Variants in MKLN1 observed in about 807,000 individuals in gnomAD.
The protein encoded by MKLN1 is muskelin 1, also known as muskelin.
Under a neutral mutation model 99.0 loss-of-function variants are expected in MKLN1, and 18 were observed. The ratio of observed to expected loss-of-function variants is 0.18; its 90% CI spans 0.13 to 0.27. MKLN1 has a LOEUF of 0.27. Among genes scored for constraint, MKLN1 ranks in the 10% least tolerant of loss-of-function variants. MKLN1 has a pLI of 1.00. For missense variants in MKLN1, 621 were observed against 875.9 expected (o/e 0.71, Z 3.67); for synonymous variants, 288 against 293.2 (o/e 0.98, Z 0.18).
At chr7:131,294,588 T>G (rs7792647) in intron 3 of MKLN1, among the ~76,000 whole-genome samples, 24,416 of 152,160 alleles carry the variant, frequency 0.16, 2,021 homozygotes, top group East Asian at 0.23. Flanking sequence ...CATTTTGTGT[T>G]GCCTGGGAAA....
chr7:131,283,376 CCTTCCTTCCTTCCTTCCTTCCTTCCTCT>C (rs1462372312), intron 3 of MKLN1, among the ~76,000 whole-genome samples: 5,304 of 119,182 alleles, frequency 0.045, 254 homozygotes, highest in Middle Eastern at 0.16. Context: ...TTCCTTCCTT[CCTTCCTTCCTTCCTTCCTTCCTTCCTCT>C]CTCTCTCTTT....
chr7:131,214,336 T>C (rs887478245), intron 3 of MKLN1, among the ~76,000 whole-genome samples: 12 of 152,172 alleles, frequency 7.9e-5, no homozygotes, highest in African/African-American at 2.9e-4. Context: ...GAGACCTAAG[T>C]GGAATTGTGC....
intron 3 of MKLN1, among the ~76,000 whole-genome samples, chr7:131,246,253 A>C (rs1317034705): frequency 1.3e-5 from 2 of 152,194 alleles, no homozygotes. Flanking sequence ...TCGGCTGCTG[A>C]TGTTTGCTTG....
chr7:131,370,356 G>T (rs1800309147), intron 1 of MKLN1, among the ~76,000 whole-genome samples: 1 of 147,390 alleles, frequency 6.8e-6, no homozygotes, highest in African/African-American at 2.5e-5. Flanking sequence ...TTATAATTAT[G>T]GCGGATTTAA....
chr7:131,416,514 T>C (rs547257707), intron 8 of MKLN1, among the ~76,000 whole-genome samples: 24 of 146,584 alleles, frequency 1.6e-4, no homozygotes, highest in Non-Finnish European at 7.5e-5. Flanking sequence ...AAGGCCTAGG[T>C]ATTTTTCTTT....
At chr7:131,419,181 T>G (rs975384132) in intron 8 of MKLN1, among the ~76,000 whole-genome samples, 14 of 150,142 alleles carry the variant, frequency 9.3e-5, no homozygotes, top group African/African-American at 3.4e-4. Flanking sequence ...TGTGCAAAAT[T>G]TTTGTTTTTG....
intron 2 of MKLN1, among the ~76,000 whole-genome samples, chr7:131,202,579 G>A (rs1307106658): frequency 6.6e-6 from 1 of 152,128 alleles, no homozygotes; most frequent in Non-Finnish European, 1.5e-5. Context: ...TCTTTGTTCT[G>A]GGGGACTGTC....
At chr7:131,332,938 T>C (rs1205244873) in intron 1 of MKLN1, among the ~76,000 whole-genome samples, 1 of 151,896 alleles carries the variant, frequency 6.6e-6, no homozygotes, top group Non-Finnish European at 1.5e-5. Flanking sequence ...TAATTTTTTT[T>C]TTTTAGATGG....
Position 131,301,830 on chromosome 7 carries a change from C to G in MKLN1, c.-178-73594C>G, listed in dbSNP as rs142870941. Among the ~76,000 whole-genome samples the G allele has an allele frequency of 2.1e-3, 321 of 152,266 alleles. 7 individuals are homozygous for G. The highest frequency in any genetic ancestry group is 9.1e-3 in the East Asian group (47 of 5,168). On this transcript the variant is annotated intron_variant, in intron 3 of 7. Transcript: ENST00000416992. ...ACTGAAACTTATTTAACCTGCCCAT[C>G]ACCTGTGCTGATATTTTCAAGGGGA...
intron 1 of MKLN1, among the ~76,000 whole-genome samples, chr7:131,331,014 T>C (rs1799058002): frequency 6.6e-6 from 1 of 152,174 alleles, no homozygotes; most frequent in African/African-American, 2.4e-5. Context: ...AAATTACATA[T>C]ACTCTTATAC....
intron 12 of MKLN1, among the ~76,000 whole-genome samples, chr7:131,450,410 GAAGAA>G (rs1004112314): frequency 6.6e-6 from 1 of 152,176 alleles, no homozygotes; most frequent in Non-Finnish European, 1.5e-5. Flanking sequence ...TAGTGCTAGT[GAAGAA>G]AAGAACATAT....
At chr7:131,178,563 T>C (rs1402198433) in intron 2 of MKLN1, among the ~76,000 whole-genome samples, 1 of 152,202 alleles carries the variant, frequency 6.6e-6, no homozygotes, top group Non-Finnish European at 1.5e-5. Context: ...TGTGTAAGCA[T>C]CTAGCAATCT....
intron 12 of MKLN1, among the ~76,000 whole-genome samples, chr7:131,453,433 T>C (rs1379356811): frequency 6.6e-6 from 1 of 152,082 alleles, no homozygotes; most frequent in East Asian, 1.9e-4. Flanking sequence ...TTAAACAGTA[T>C]ATGACATGGA....
At chr7:131,327,627 G>T (rs1487764171), upstream of MKLN1, 1 of 433,826 alleles carries the variant, frequency 2.3e-6, no homozygotes, top group Non-Finnish European at 4.1e-6. Flanking sequence ...CTGCTTGTAA[G>T]AAAAGTCCTT....
chr7:131,410,794 AT>A (rs1794851453), intron 6 of MKLN1, among the ~76,000 whole-genome samples: 1 of 152,182 alleles, frequency 6.6e-6, no homozygotes. Flanking sequence ...TCTTAATTAT[AT>A]TTATGATAAT....
intron 7 of MKLN1, among the ~76,000 whole-genome samples, chr7:131,413,216 C>T (rs1027434111): frequency 1.3e-5 from 2 of 152,068 alleles, no homozygotes; most frequent in African/African-American, 4.8e-5. Context: ...AATCTAAAGG[C>T]TTAACTATTA....
At chr7:131,153,518 A>G (rs1171486463) in intron 2 of MKLN1, among the ~76,000 whole-genome samples, 1 of 152,160 alleles carries the variant, frequency 6.6e-6, no homozygotes, top group Non-Finnish European at 1.5e-5. Context: ...TACATATAAT[A>G]CAAAACCTTA....
At chr7:131,321,842 G>A (rs1376726048) in intron 3 of MKLN1, among the ~76,000 whole-genome samples, 1 of 152,174 alleles carries the variant, frequency 6.6e-6, no homozygotes. Flanking sequence ...CTCAAAGAAA[G>A]GGAAGTTTCA....
intron 1 of MKLN1, among the ~76,000 whole-genome samples, chr7:131,342,350 G>A (rs1225110368): frequency 6.6e-6 from 1 of 152,100 alleles, no homozygotes; most frequent in Non-Finnish European, 1.5e-5. Flanking sequence ...ACATGAATTA[G>A]CTCCCTGCCT....
Sources: gnomAD v4.1 joint callset for allele counts (sites outside exome capture counted in the v4.1 genomes callset) on GRCh38, gnomAD v4.1.1 for gene constraint, MANE v1.5 for transcripts, NCBI Gene and HGNC (gene_info 2026-07-23, HGNC 2026-07-21) for gene names.